CTCF: variants seen among roughly 807,000 people sequenced by gnomAD.
CTCF encodes the protein CCCTC-binding factor.
CTCF carries 7 observed loss-of-function variants against 72.3 expected under a neutral mutation model. The observed-to-expected ratio is 0.10, with a 90% CI of 0.06 to 0.18. CTCF has a LOEUF of 0.18. Among genes scored for constraint, CTCF ranks in the 10% least tolerant of loss-of-function variants. The pLI is 1.00. For missense variants in CTCF, 516 were observed against 949.1 expected, an observed-to-expected ratio of 0.54 and a Z score of 6.00; for synonymous variants, 374 against 315.8, an observed-to-expected ratio of 1.18 and a Z score of -1.95.
intron 2 of CTCF, among the ~76,000 whole-genome samples, chr16:67,583,220 C>A (rs951840128): frequency 6.6e-6 from 1 of 151,784 alleles, no homozygotes; most frequent in Non-Finnish European, 1.5e-5. Context: ...CTCCTGACCT[C>A]AAGTGATCCT....
chr16:67,579,697 T>G (rs913218866), intron 2 of CTCF, among the ~76,000 whole-genome samples: 7 of 152,176 alleles, frequency 4.6e-5, no homozygotes, highest in Non-Finnish European at 8.8e-5. Flanking sequence ...CCAGCTTGTT[T>G]TTAATCTTTT....
chr16:67,591,453 ACTC>A (rs1299721735), intron 2 of CTCF, among the ~76,000 whole-genome samples: 4 of 151,456 alleles, frequency 2.6e-5, no homozygotes, highest in African/African-American at 9.7e-5. Flanking sequence ...TCCCAATTCA[ACTC>A]CTCCTCATTC....
chr16:67,628,918 G>A (rs2052326135), intron 9 of CTCF, among the ~76,000 whole-genome samples: 1 of 152,108 alleles, frequency 6.6e-6, no homozygotes, highest in Non-Finnish European at 1.5e-5. Context: ...AAATTAGCTG[G>A]GTGCGGTGGC....
intron 7 of CTCF, among the ~76,000 whole-genome samples, chr16:67,624,111 GTGTGTA>G (rs1267136091): frequency 1.0e-3 from 140 of 133,984 alleles, no homozygotes; most frequent in African/African-American, 2.8e-3. Context: ...GTGTGTGTGT[GTGTGTA>G]TGTGTGTGTA....
intron 10 of CTCF, among the ~76,000 whole-genome samples, chr16:67,636,350 C>T (rs533685054): frequency 4.0e-5 from 6 of 148,922 alleles, no homozygotes; most frequent in Non-Finnish European, 7.4e-5. Context: ...CCAGCCTGGG[C>T]GACAGAGTGA....
At chr16:67,573,397 A>C (rs1221386304) in intron 2 of CTCF, among the ~76,000 whole-genome samples, 1 of 152,148 alleles carries the variant, frequency 6.6e-6, no homozygotes, top group Non-Finnish European at 1.5e-5. Context: ...ACACCACTGC[A>C]CTCCAGACTG....
intron 4 of CTCF, chr16:67,612,529 G>A (rs2052074549): frequency 6.5e-6 from 1 of 154,610 alleles, no homozygotes; most frequent in Admixed American, 6.6e-5. Flanking sequence ...GGTGGAGCTT[G>A]CAGTTAGCCG....
intron 2 of CTCF, among the ~76,000 whole-genome samples, chr16:67,589,863 G>A (rs919033601): frequency 9.2e-5 from 14 of 152,070 alleles, no homozygotes; most frequent in Admixed American, 9.2e-4. Flanking sequence ...AAGATGGCTG[G>A]ATCACCTAAG....
intron 2 of CTCF, among the ~76,000 whole-genome samples, chr16:67,587,545 T>G (rs947550492): frequency 6.6e-6 from 1 of 151,938 alleles, no homozygotes; most frequent in Non-Finnish European, 1.5e-5. Context: ...TTTTTTTTCT[T>G]TTTCCCTTCT....
chr16:67,623,967 C>T (rs1319595117), intron 7 of CTCF, among the ~76,000 whole-genome samples: 1 of 149,044 alleles, frequency 6.7e-6, no homozygotes, highest in Non-Finnish European at 1.5e-5. Context: ...AGAATTGCTT[C>T]AATCCGGGAG....
intron 1 of CTCF, among the ~76,000 whole-genome samples, chr16:67,569,341 A>G (rs1439124806): frequency 6.6e-6 from 1 of 151,482 alleles, no homozygotes; most frequent in African/African-American, 2.4e-5. Flanking sequence ...CTGCACCACC[A>G]TGCCCAGCTA....
At position 67,620,898 on chromosome 16, in the gene CTCF, C is replaced by T. The variant is rs1027265085; in HGVS notation, c.1207+81C>T. On this transcript the variant is annotated intron_variant, in intron 6 of 11. Coordinates refer to ENST00000264010, the MANE Select transcript of CTCF (RefSeq NM_006565.4). ...GGGACCCTGTGGACCACTGTGTGTC[C>T]CCATTGTTTATATGAATGAAGACTG... is the stretch of plus-strand genomic sequence containing the variant. 7 of 1,207,110 alleles carry T rather than the reference C, an allele frequency of 5.8e-6. No homozygotes were observed. In the Admixed American group the frequency reaches 1.8e-4, roughly 30 times the overall value. The allele number at this position is 1,207,110 out of a possible 1,614,324, so 74.8% of individuals were successfully genotyped here.
chr16:67,637,999 C>A lies in CTCF; in HGVS notation c.*127C>A, dbSNP rs926223584. 2.4e-6 allele frequency: 2 copies of A among 822,956 alleles called. No individual in the cohort carries two copies. Among genetic ancestry groups the A allele is most frequent in the Non-Finnish European group, 3.7e-6 (2 of 546,540 alleles). 51.0% of individuals were successfully genotyped at this position (822,956 alleles called of 1,614,324 possible). On this transcript the variant is annotated 3_prime_UTR_variant, in exon 12 of 12. Coordinates refer to ENST00000264010, the MANE Select transcript of CTCF (RefSeq NM_006565.4). ...ATCATTTTACCAAACATACCGAGAA[C>A]GAAAACTTCAAGGATGATGTTAGAA...
chr16:67,604,366 CAG>C (rs1481213923), intron 2 of CTCF, among the ~76,000 whole-genome samples: 1 of 152,044 alleles, frequency 6.6e-6, no homozygotes, highest in Admixed American at 6.6e-5. Flanking sequence ...GTTTTTGAGA[CAG>C]AGTCTCGCTC....
intron 2 of CTCF, among the ~76,000 whole-genome samples, chr16:67,599,529 G>A (rs1410327035): frequency 6.6e-6 from 1 of 152,172 alleles, no homozygotes; most frequent in Non-Finnish European, 1.5e-5. Flanking sequence ...GGGCAGAGAA[G>A]CATTAAGATG....
At chr16:67,564,505 C>G (rs186254808) in intron 1 of CTCF, among the ~76,000 whole-genome samples, 1 of 152,204 alleles carries the variant, frequency 6.6e-6, no homozygotes, top group Admixed American at 6.5e-5. Context: ...CCTGCCACCC[C>G]TCTTCCTCAA....
At chr16:67,568,525 A>G (rs1000773923) in intron 1 of CTCF, 2 of 152,072 alleles carry the variant, frequency 1.3e-5, no homozygotes, top group African/African-American at 4.8e-5. Flanking sequence ...AGAAGCTGGG[A>G]TTACAGGTGC....
chr16:67,626,148 A>G (rs996701965), intron 7 of CTCF, among the ~76,000 whole-genome samples: 1 of 152,008 alleles, frequency 6.6e-6, no homozygotes, highest in Non-Finnish European at 1.5e-5. Context: ...CTTAAGAATC[A>G]GGAGAAATGG....
At chr16:67,635,320 A>T (rs1184155595) in intron 10 of CTCF, among the ~76,000 whole-genome samples, 1 of 148,248 alleles carries the variant, frequency 6.7e-6, no homozygotes, top group African/African-American at 2.5e-5. Context: ...ATGCCTGGCC[A>T]CCTTTTGTTT....
Sources: gnomAD v4.1 joint callset for allele counts (sites outside exome capture counted in the v4.1 genomes callset) on GRCh38, gnomAD v4.1.1 for gene constraint, MANE v1.5 for transcripts, NCBI Gene and HGNC (gene_info 2026-07-23, HGNC 2026-07-21) for gene names.